The following AGBL5 variants were observed in gnomAD, a reference collection of about 807,000 sequenced individuals.
The protein encoded by AGBL5 is AGBL carboxypeptidase 5.
A neutral mutation model predicts 88.0 loss-of-function variants in AGBL5; 51 were observed. The ratio of observed to expected loss-of-function variants is 0.58; its 90% confidence interval spans 0.46 to 0.73. The LOEUF (loss-of-function observed/expected upper bound fraction) is 0.73, where lower values mean the gene tolerates loss of function less well. Among genes scored for constraint, AGBL5 ranks in the 30% least tolerant of loss-of-function variants. The pLI is 0.00. For missense variants in AGBL5, 1,031 were observed against 1,162.2 expected, an observed-to-expected ratio of 0.89 and a Z score of 1.64; for synonymous variants, 446 against 438.8, an observed-to-expected ratio of 1.02 and a Z score of -0.21.
chr2:27,055,491 C>T (rs1447147536), intron 6 of AGBL5, 191 bp from the exon 7 acceptor site: 4 of 796,306 alleles, frequency 5.0e-6, no homozygotes, highest in South Asian at 1.9e-5. Flanking sequence ...CCTGAGGAAG[C>T]TCCTTAGGGT....
chr2:27,067,692 A>G, intron 12 of AGBL5, 46 bp downstream of exon 12: 1 of 1,597,726 alleles, frequency 6.3e-7, no homozygotes, highest in Non-Finnish European at 8.6e-7. Context: ...AGCCTCCTCC[A>G]TGGCCAGGCC....
chr2:27,069,591 C>CG lies in AGBL5; in HGVS notation c.2378dup (p.Ser794LeufsTer26). 1 of 1,614,102 alleles carries CG rather than the reference C, an allele frequency of 6.2e-7. No homozygotes were observed. The highest frequency in any genetic ancestry group is 8.5e-7 in the Non-Finnish European group (1 of 1,179,954). On this transcript the variant is annotated frameshift_variant, in exon 14 of 15. Coordinates refer to ENST00000360131, the MANE Select transcript of AGBL5 (RefSeq NM_021831.6). LOFTEE classifies it high-confidence loss of function. ...CACACAGGCTAGGCCCAGGTTGGGC[C>CG]GGGGCTCACCGCCGACTCGCAGAGG...
At chr2:27,062,698 A>G (rs1668773894) in intron 11 of AGBL5, 1 of 152,236 alleles carries the variant, frequency 6.6e-6, no homozygotes, top group African/African-American at 2.4e-5. Flanking sequence ...GATAAACACA[A>G]GAGTAATTAG....
chr2:27,061,318 C>T (rs1333130713), intron 11 of AGBL5: 1 of 151,402 alleles, frequency 6.6e-6, no homozygotes, highest in Non-Finnish European at 1.5e-5. Context: ...CTCACTGCAA[C>T]CTCTGCCTCC....
At chr2:27,055,652 G>T in intron 6 of AGBL5, 30 bp from the exon 7 acceptor site, 2 of 1,596,010 alleles carry the variant, frequency 1.3e-6, no homozygotes. Flanking sequence ...CAGTCCTCTA[G>T]AACCTGCTTC....
rs1246843140 is a variant in AGBL5, at chr2:27,054,626, G to T, written c.552-4G>T. ...CTCCTGGCTTAATTTTTTTTTCCCTGTAGCCCCCTGGATACCATCTATTAC... is the reference window on the plus strand; with the variant it reads ...CTCCTGGCTTAATTTTTTTTTCCCTTTAGCCCCCTGGATACCATCTATTAC... On this transcript the variant is annotated splice_region_variant and splice_polypyrimidine_tract_variant and intron_variant, in intron 4 of 14. Coordinates refer to ENST00000360131, the MANE Select transcript of AGBL5 (RefSeq NM_021831.6). The T allele has an allele frequency of 1.0e-5, 16 of 1,600,984 alleles. No homozygotes were observed. Among genetic ancestry groups the T allele is most frequent in the Admixed American group, 8.8e-5 (5 of 56,650 alleles).
rs181713022 is a variant in AGBL5 at position 27,063,527 on chromosome 2, G to A, written c.2090-3967G>A. Among the ~76,000 whole-genome samples the A allele has an allele frequency of 6.3e-3, 951 of 151,910 alleles. 9 individuals carry two copies. Among genetic ancestry groups the A allele is most frequent in the African/African-American group, 0.022 (921 of 41,388 alleles). On this transcript the variant is annotated intron_variant, in intron 11 of 14. Coordinates refer to ENST00000360131, the MANE Select transcript of AGBL5 (RefSeq NM_021831.6). ...GGAGAATGGCGTGAACCCAGGAGGC[G>A]GAGCTGGCAGTGAGCCCAGATCGCG...
At chr2:27,058,030 C>A (rs1470605160) in intron 9 of AGBL5, among the ~76,000 whole-genome samples, 1 of 149,830 alleles carries the variant, frequency 6.7e-6, no homozygotes, top group Non-Finnish European at 1.5e-5. Context: ...CAGCCGAGAT[C>A]ACACGCCACT....
chr2:27,057,550 C>T (rs1668500049), intron 9 of AGBL5, 112 bp downstream of exon 9: 20 of 1,228,152 alleles, frequency 1.6e-5, no homozygotes, highest in Middle Eastern at 2.2e-4. Flanking sequence ...TCACTATGGC[C>T]GTCTCACCAC....
intron 11 of AGBL5, among the ~76,000 whole-genome samples, chr2:27,064,357 G>A (rs917186083): frequency 3.3e-5 from 5 of 149,984 alleles, no homozygotes; most frequent in Admixed American, 6.6e-5. Context: ...GTGCAGTGGC[G>A]TGATCACAGC....
intron 11 of AGBL5, chr2:27,059,671 C>A: frequency 2.9e-6 from 2 of 683,028 alleles, no homozygotes; most frequent in Non-Finnish European, 4.7e-6. Flanking sequence ...AAGGATGAAA[C>A]ACTAGCTGAA....
upstream of AGBL5, chr2:27,051,349 CT>C (rs1431969596): frequency 6.6e-6 from 1 of 152,208 alleles, no homozygotes; most frequent in Non-Finnish European, 1.5e-5. Context: ...GCGCAGTGGG[CT>C]ACGTGTTTCA....
In AGBL5 at chr2:27,057,365, A is replaced by G. The variant is rs143826964; in HGVS notation, c.1598A>G (p.His533Arg). The G allele has an allele frequency of 1.9e-6, 3 of 1,614,120 alleles. No individual in the cohort carries two copies. Among genetic ancestry groups the G allele is most frequent in the African/African-American group, 1.3e-5 (1 of 75,064 alleles). The change falls in exon 9 of 15, where the codon CAT becomes CGT. Residue 533 changes from histidine (H) to arginine (R), a missense_variant. Around this residue, in one of 2 missense-constraint regions of AGBL5, gnomAD observed 491 missense variants for 484.0 expected, o/e 1.01. Coordinates refer to ENST00000360131, the MANE Select transcript of AGBL5 (RefSeq NM_021831.6). ...GTAAACAGCATCCCTGCTGCCTGCCATGACAATGGGCGTGCCAGCCCCCCT... is the reference window on the plus strand; with the variant it reads ...GTAAACAGCATCCCTGCTGCCTGCCGTGACAATGGGCGTGCCAGCCCCCCT... ...RSVNSIPAACHDNGRASPPPP... is the reference protein window; with the variant it reads ...RSVNSIPAACRDNGRASPPPP...
chr2:27,068,996 A>G (rs1023386146), intron 13 of AGBL5: 1 of 1,449,096 alleles, frequency 6.9e-7, no homozygotes, highest in African/African-American at 1.4e-5. Flanking sequence ...TTAGCCTGCT[A>G]GCTTTGGCTT....
At chr2:27,067,726 G>GGCC in intron 12 of AGBL5, 80 bp downstream of exon 12, 1 of 1,512,096 alleles carries the variant, frequency 6.6e-7, no homozygotes, top group Non-Finnish European at 9.2e-7. Context: ...CTAGTTGGGA[G>GGCC]ACCAGGGGCA....
intron 11 of AGBL5, chr2:27,061,787 G>A (rs1271619060): frequency 6.6e-6 from 1 of 151,930 alleles, no homozygotes; most frequent in Non-Finnish European, 1.5e-5. Context: ...GCTTTTTCTA[G>A]GTTGTCACTG....
chr2:27,059,605 A>T, intron 11 of AGBL5: 1 of 1,295,952 alleles, frequency 7.7e-7, no homozygotes, highest in South Asian at 1.5e-5. Flanking sequence ...GTGTGGCCAG[A>T]GGGGGAAGTC....
rs2148269816 is a variant in AGBL5 at position 27,053,676 on chromosome 2, A to G, written c.387+103A>G. The G allele has an allele frequency of 2.7e-6, 4 of 1,464,890 alleles. No individual in the cohort carries two copies. Among genetic ancestry groups the G allele is most frequent in the Non-Finnish European group, 2.7e-6 (3 of 1,099,082 alleles). 90.7% of individuals were successfully genotyped at this position (1,464,890 alleles called of 1,614,324 possible). ...ATACAAGTATGAAGCAGGTGGGACA[A>G]CAGGTTTAAGTATCAGCTTTTTCTC... On this transcript the variant is annotated intron_variant, in intron 3 of 14. Coordinates refer to ENST00000360131, the MANE Select transcript of AGBL5 (RefSeq NM_021831.6). This position sits in a 1 kb window ranked among gnomAD's most constrained non-coding sequence, Gnocchi z 4.9.
chr2:27,050,756 A>C (rs1213854258), upstream of AGBL5, among the ~76,000 whole-genome samples: 2 of 152,134 alleles, frequency 1.3e-5, no homozygotes, highest in African/African-American at 4.8e-5. Flanking sequence ...TTAGAGGGCT[A>C]TCAGCAGCAT....
Sources: allele counts gnomAD v4.1 joint callset (sites outside exome capture counted in the v4.1 genomes callset), GRCh38; gene constraint gnomAD v4.1.1; regional missense constraint gnomAD v4.1.1; non-coding constraint Gnocchi (gnomAD v3.1); transcripts MANE v1.5; gene names NCBI Gene and HGNC (gene_info 2026-07-23, HGNC 2026-07-21).